FSTL4: variants seen among roughly 807,000 people sequenced by gnomAD.
FSTL4 encodes the protein follistatin like 4, also known as follistatin-related protein 4.
Under a neutral mutation model 78.2 loss-of-function variants are expected in FSTL4, and 28 were observed. That is an observed-to-expected ratio of 0.36 (90% CI 0.27 to 0.49). FSTL4 has a LOEUF of 0.49. Among genes scored for constraint, FSTL4 ranks in the 20% least tolerant of loss-of-function variants. FSTL4 has a pLI of 0.98. For missense variants in FSTL4, 922 were observed against 1,084.9 expected (o/e 0.85, Z 2.11); for synonymous variants, 422 against 440.5 (o/e 0.96, Z 0.53).
At chr5:133,210,998 G>T (rs1397936248) in intron 13 of FSTL4, 1 of 152,152 alleles carries the variant, frequency 6.6e-6, no homozygotes, top group Admixed American at 6.5e-5. Context: ...TGGTGAGTTG[G>T]TCCTTCCTCC....
At chr5:133,616,324 T>TCTATCTAG, upstream of FSTL4, among the ~76,000 whole-genome samples, 1 of 151,920 alleles carries the variant, frequency 6.6e-6, no homozygotes, top group East Asian at 1.9e-4. Context: ...TATCTATCTA[T>TCTATCTAG]CTATCTATCT....
chr5:133,356,017 T>A (rs10054564), intron 4 of FSTL4, among the ~76,000 whole-genome samples: 68,835 of 152,036 alleles, frequency 0.45, 18,059 homozygotes, highest in African/African-American at 0.73. Context: ...TTACAGAGGC[T>A]TGGGGGCCTG....
chr5:133,392,270 C>T (rs1203814039), intron 4 of FSTL4, among the ~76,000 whole-genome samples: 1 of 152,058 alleles, frequency 6.6e-6, no homozygotes, highest in Non-Finnish European at 1.5e-5. Context: ...TGGGTCTTTG[C>T]TCGTGGGACA....
intron 3 of FSTL4, among the ~76,000 whole-genome samples, chr5:133,510,843 C>T (rs550715857): frequency 6.6e-6 from 1 of 152,040 alleles, no homozygotes; most frequent in African/African-American, 2.4e-5. Flanking sequence ...GTGTCCCACT[C>T]GATAAGGTTT....
chr5:133,275,246 G>A lies in FSTL4; in HGVS notation c.728-25670C>T, dbSNP rs181214877. On this transcript the variant is annotated intron_variant, in intron 6 of 15. Transcript: ENST00000265342. The stretch of plus-strand genomic sequence containing the variant: ...ACCACTGTACTCCAGCCTCGGTGAC[G>A]GAGGGAAACTCTGTTATGAAGTTCA... Among the ~76,000 whole-genome samples the A allele has an allele frequency of 2.8e-4, 42 of 151,290 alleles. 1 individual carries two copies. Among genetic ancestry groups the A allele is most frequent in the East Asian group, 1.2e-3 (6 of 5,144 alleles).
At chr5:133,636,299 C>T in the FSTL4 span, among the ~76,000 whole-genome samples, 1 of 152,168 alleles carries the variant, frequency 6.6e-6, no homozygotes, top group African/African-American at 2.4e-5. Context: ...AGCCTGAGAG[C>T]TCCACTCTCT....
At chr5:133,349,501 G>A (rs555987450) in intron 4 of FSTL4, among the ~76,000 whole-genome samples, 3 of 152,182 alleles carry the variant, frequency 2.0e-5, no homozygotes, top group Non-Finnish European at 4.4e-5. Context: ...GACTGTAAAG[G>A]ATCCATAGGA....
At chr5:133,795,599 C>A in the FSTL4 span, among the ~76,000 whole-genome samples, 1 of 146,038 alleles carries the variant, frequency 6.8e-6, no homozygotes, top group Non-Finnish European at 1.5e-5. Flanking sequence ...TGGGAATCTT[C>A]AAGAAGGAAG....
At chr5:133,329,504 C>T (rs1021539328) in intron 4 of FSTL4, among the ~76,000 whole-genome samples, 2 of 152,082 alleles carry the variant, frequency 1.3e-5, no homozygotes, top group African/African-American at 4.8e-5. Flanking sequence ...AGCTGAGGAG[C>T]AAGGAGAGCC....
chr5:133,429,133 G>A (rs751833243), intron 3 of FSTL4, among the ~76,000 whole-genome samples: 6 of 152,164 alleles, frequency 3.9e-5, no homozygotes, highest in Non-Finnish European at 7.4e-5. Flanking sequence ...GGTCCCAGAT[G>A]TGGTTAAACT....
chr5:133,439,332 G>A (rs908037542), intron 3 of FSTL4, among the ~76,000 whole-genome samples: 1 of 151,938 alleles, frequency 6.6e-6, no homozygotes, highest in East Asian at 1.9e-4. Flanking sequence ...TGACATGACC[G>A]GGCCCAAACT....
rs1455953080 is a variant in FSTL4 at position 133,426,320 on chromosome 5, C to T, written c.161-25334G>A. ...GAGGTGAGAGGGGGAGACCTGCCTCCGTGGCTCTCCTGGGCTGTGCTGACC... is the reference window on the plus strand; with the variant it reads ...GAGGTGAGAGGGGGAGACCTGCCTCTGTGGCTCTCCTGGGCTGTGCTGACC... On this transcript the variant is annotated intron_variant, in intron 3 of 15. Coordinates refer to ENST00000265342, the MANE Select transcript of FSTL4 (RefSeq NM_015082.2). This position sits in a 1 kb window ranked among gnomAD's most constrained non-coding sequence, Gnocchi z 5.0. Among the ~76,000 whole-genome samples the T allele has an allele frequency of 1.3e-5, 2 of 152,126 alleles. No individual in the cohort carries two copies. Among genetic ancestry groups the T allele is most frequent in the African/African-American group, 2.4e-5 (1 of 41,420 alleles).
At chr5:133,395,659 C>G (rs1438612446) in intron 4 of FSTL4, among the ~76,000 whole-genome samples, 1 of 152,184 alleles carries the variant, frequency 6.6e-6, no homozygotes, top group Non-Finnish European at 1.5e-5. Flanking sequence ...CTATGCTCTC[C>G]CCTACACCCA....
chr5:133,598,029 T>C (rs1405774964), intron 2 of FSTL4, among the ~76,000 whole-genome samples: 1 of 152,122 alleles, frequency 6.6e-6, no homozygotes, highest in Admixed American at 6.5e-5. Flanking sequence ...CAGGTGCAAA[T>C]GACCCTAGAA....
intron 7 of FSTL4, chr5:133,243,979 G>T (rs1751958705): frequency 6.6e-6 from 1 of 152,334 alleles, no homozygotes; most frequent in South Asian, 2.1e-4. Context: ...CCGCTGTGCA[G>T]GCTGGGTGGT....
chr5:133,624,937 G>A, the FSTL4 span, among the ~76,000 whole-genome samples: 18 of 151,280 alleles, frequency 1.2e-4, no homozygotes, highest in African/African-American at 2.2e-4. Context: ...TATTTAGAGC[G>A]TCTCTCATTT....
rs190786481 is a variant in FSTL4, at chr5:133,476,815, T to C, written c.161-75829A>G. 9.2e-5 allele frequency among the ~76,000 whole-genome samples: 14 copies of C among 152,276 alleles called. 1 individual carries two copies. Among genetic ancestry groups the C allele is most frequent in the Admixed American group, 5.9e-4 (9 of 15,292 alleles). ...GTGGACCTCACTGACCCCGAGTCAG[T>C]GAGACACTCATTGAGCCATCTTTAT... On this transcript the variant is annotated intron_variant, in intron 3 of 15. Transcript: ENST00000265342.
the FSTL4 span, among the ~76,000 whole-genome samples, chr5:133,729,236 CA>C: frequency 1.4e-5 from 1 of 69,396 alleles, no homozygotes; most frequent in African/African-American, 9.1e-5. Context: ...AACACACACA[CA>C]CACACACACA....
chr5:133,699,225 A>T, the FSTL4 span, among the ~76,000 whole-genome samples: 2 of 152,190 alleles, frequency 1.3e-5, no homozygotes, highest in Non-Finnish European at 2.9e-5. Flanking sequence ...GTGTCCACAC[A>T]GGGCCTGAGG....
Sources: gnomAD v4.1 joint callset for allele counts (sites outside exome capture counted in the v4.1 genomes callset) on GRCh38, gnomAD v4.1.1 for gene constraint, Gnocchi (gnomAD v3.1) non-coding constraint, MANE v1.5 for transcripts, NCBI Gene and HGNC (gene_info 2026-07-23, HGNC 2026-07-21) for gene names.